MCF2L2: variants seen among roughly 807,000 people sequenced by gnomAD.
The protein encoded by MCF2L2 is probable guanine nucleotide exchange factor MCF2L2.
A neutral mutation model predicts 150.2 loss-of-function variants in MCF2L2; 102 were observed. The observed-to-expected ratio is 0.68, with a 90% CI of 0.58 to 0.80. The LOEUF (loss-of-function observed/expected upper bound fraction) is 0.80, where lower values mean the gene tolerates loss of function less well. Ranked by LOEUF, MCF2L2 falls within the 30% of genes least tolerant of loss-of-function variation. The probability of loss-of-function intolerance (pLI) is 0.00; values close to 1 mark genes in which losing one functional copy is unlikely to be tolerated. For missense variants in MCF2L2, 1,256 were observed against 1,372.8 expected, an observed-to-expected ratio of 0.91 and a Z score of 1.34; for synonymous variants, 465 against 491.3, an observed-to-expected ratio of 0.95 and a Z score of 0.71.
At chr3:183,308,717 G>A (rs879611537) in intron 10 of MCF2L2, among the ~76,000 whole-genome samples, 4 of 152,146 alleles carry the variant, frequency 2.6e-5, no homozygotes, top group Non-Finnish European at 4.4e-5. Context: ...CAACTTTAAC[G>A]TACAAGTCAA....
intron 1 of MCF2L2, among the ~76,000 whole-genome samples, chr3:183,395,934 A>G (rs1002999462): frequency 3.5e-5 from 4 of 115,842 alleles, no homozygotes; most frequent in African/African-American, 5.5e-5. Context: ...AAAAAAAAAA[A>G]AAAAGAAAGA....
At chr3:183,281,525 G>A (rs898314766) in intron 14 of MCF2L2, among the ~76,000 whole-genome samples, 5 of 151,976 alleles carry the variant, frequency 3.3e-5, no homozygotes, top group Non-Finnish European at 5.9e-5. Flanking sequence ...TTCATTGGCC[G>A]CAAAAGCCAC....
chr3:183,244,203 A>AT (rs1053586914), intron 15 of MCF2L2, among the ~76,000 whole-genome samples: 5 of 135,022 alleles, frequency 3.7e-5, no homozygotes, highest in African/African-American at 1.5e-4. Flanking sequence ...CCAAAATCTG[A>AT]TTAAAAAAAA....
chr3:183,248,555 C>T (rs1419382351), intron 15 of MCF2L2, among the ~76,000 whole-genome samples: 1 of 152,272 alleles, frequency 6.6e-6, no homozygotes. Context: ...ACATTTCAGA[C>T]CTGGTGCAGT....
At chr3:183,231,049 G>C in intron 15 of MCF2L2, 32 bp from the exon 16 acceptor site, 1 of 1,495,256 alleles carries the variant, frequency 6.7e-7, no homozygotes, top group Non-Finnish European at 9.3e-7. Flanking sequence ...GAGGGTGAAA[G>C]AGAGAGAGAC....
intron 2 of MCF2L2, among the ~76,000 whole-genome samples, chr3:183,380,568 A>G (rs561145398): frequency 1.7e-4 from 26 of 151,992 alleles, no homozygotes; most frequent in Admixed American, 2.6e-4. Flanking sequence ...TACCCAGCTA[A>G]TTTTTGTATT....
Position 183,428,331 on chromosome 3 carries a change from G to A in MCF2L2, c.-354C>T. On this transcript the variant is annotated 5_prime_UTR_variant, in exon 1 of 30. Coordinates refer to ENST00000328913, the MANE Select transcript of MCF2L2 (RefSeq NM_015078.4). The surrounding 1 kb of genome is among the most constrained non-coding windows in gnomAD (Gnocchi z 5.1). Reference sequence around the variant, plus strand: ...CCAGAATCGCGGTCCCGGCCGCCAGGTTTCCGGCGCCGCCTCCAGGGACTG... The same window carrying A: ...CCAGAATCGCGGTCCCGGCCGCCAGATTTCCGGCGCCGCCTCCAGGGACTG... The A allele has an allele frequency of 3.5e-6, 1 of 287,786 alleles. No individual in the cohort carries two copies. The highest frequency in any genetic ancestry group is 6.5e-6 in the Non-Finnish European group (1 of 153,204). 17.8% of individuals were successfully genotyped at this position (287,786 alleles called of 1,614,324 possible).
chr3:183,299,930 G>T, intron 11 of MCF2L2, 75 bp downstream of exon 11: 1 of 1,484,266 alleles, frequency 6.7e-7, no homozygotes. Context: ...ACACAAGGAA[G>T]GGAGGACGAG....
chr3:183,235,268 GC>G (rs1194035111), intron 15 of MCF2L2, among the ~76,000 whole-genome samples: 1 of 37,652 alleles, frequency 2.7e-5, no homozygotes, highest in Non-Finnish European at 4.3e-5. Context: ...CTGAGGAATC[GC>G]CACACTGACT....
intron 15 of MCF2L2, among the ~76,000 whole-genome samples, chr3:183,255,075 T>G (rs1724917663): frequency 6.6e-6 from 1 of 152,184 alleles, no homozygotes; most frequent in Admixed American, 6.5e-5. Flanking sequence ...AGGCTCATAT[T>G]TATGGTAATT....
chr3:183,195,643 C>T (rs9820337), intron 25 of MCF2L2, among the ~76,000 whole-genome samples: 3,719 of 152,198 alleles, frequency 0.024, 139 homozygotes, highest in African/African-American at 0.084. Flanking sequence ...CCTGGGAGAG[C>T]GATAAGAATC....
chr3:183,324,969 T>C (rs1185629857), intron 5 of MCF2L2, among the ~76,000 whole-genome samples: 1 of 151,510 alleles, frequency 6.6e-6, no homozygotes, highest in African/African-American at 2.4e-5. Context: ...ATGTCCTTTG[T>C]AGGGACATGG....
At chr3:183,249,178 G>A (rs1163751697) in intron 15 of MCF2L2, among the ~76,000 whole-genome samples, 1 of 152,258 alleles carries the variant, frequency 6.6e-6, no homozygotes, top group Non-Finnish European at 1.5e-5. Context: ...CTGAGTAGGA[G>A]AGAAAGAGCT....
chr3:183,186,163 CT>C (rs1381568342), intron 27 of MCF2L2, among the ~76,000 whole-genome samples: 1 of 152,150 alleles, frequency 6.6e-6, no homozygotes, highest in Non-Finnish European at 1.5e-5. Flanking sequence ...CAGTCAAAGC[CT>C]TGCCCATTTC....
chr3:183,361,396 G>T (rs561308999), intron 3 of MCF2L2, among the ~76,000 whole-genome samples: 2 of 152,312 alleles, frequency 1.3e-5, no homozygotes, highest in East Asian at 1.9e-4. Context: ...AATGTTGAGA[G>T]AGGGACCTGG....
intron 3 of MCF2L2, among the ~76,000 whole-genome samples, chr3:183,366,515 T>C (rs1712529742): frequency 6.6e-6 from 1 of 152,062 alleles, no homozygotes; most frequent in Non-Finnish European, 1.5e-5. Context: ...CATGGTGGTG[T>C]GTGCCAGTAA....
chr3:183,326,155 A>G (rs1730015741), intron 5 of MCF2L2, among the ~76,000 whole-genome samples: 1 of 152,176 alleles, frequency 6.6e-6, no homozygotes. Flanking sequence ...GCAAGTCCTG[A>G]TAGACCCACA....
intron 5 of MCF2L2, among the ~76,000 whole-genome samples, chr3:183,333,752 T>C (rs1577069769): frequency 6.6e-6 from 1 of 152,112 alleles, no homozygotes; most frequent in Non-Finnish European, 1.5e-5. Context: ...TATACGTGCA[T>C]ATATTTACAG....
chr3:183,307,971 C>T (rs932623772), intron 10 of MCF2L2, among the ~76,000 whole-genome samples: 3 of 152,234 alleles, frequency 2.0e-5, no homozygotes, highest in Admixed American at 1.3e-4. Flanking sequence ...TGCATGATTA[C>T]ACAGATCAAA....
Sources: gnomAD v4.1 joint callset for allele counts (sites outside exome capture counted in the v4.1 genomes callset) on GRCh38, gnomAD v4.1.1 for gene constraint, Gnocchi (gnomAD v3.1) non-coding constraint, MANE v1.5 for transcripts, NCBI Gene and HGNC (gene_info 2026-07-23, HGNC 2026-07-21) for gene names.